Variants in SV2C observed in about 807,000 individuals in gnomAD.
The protein encoded by SV2C is synaptic vesicle glycoprotein 2C.
A neutral mutation model predicts 79.7 loss-of-function variants in SV2C; 49 were observed. That is an observed-to-expected ratio of 0.61 (90% CI 0.49 to 0.78). SV2C has a LOEUF of 0.78. Among genes scored for constraint, SV2C ranks in the 30% least tolerant of loss-of-function variants. The pLI is 0.00. For missense variants in SV2C, 833 were observed against 912.9 expected, an observed-to-expected ratio of 0.91 and a Z score of 1.13; for synonymous variants, 334 against 333.2, an observed-to-expected ratio of 1.00 and a Z score of -0.03.
At chr5:75,878,282 C>A in the SV2C span, among the ~76,000 whole-genome samples, 2 of 152,088 alleles carry the variant, frequency 1.3e-5, no homozygotes, top group Non-Finnish European at 2.9e-5. Flanking sequence ...GAAATATCTT[C>A]CTATTCTTCA....
chr5:75,922,887 G>A, the SV2C span, among the ~76,000 whole-genome samples: 4 of 152,216 alleles, frequency 2.6e-5, no homozygotes, highest in African/African-American at 9.6e-5. Context: ...CCTTTGATGT[G>A]TTAAGCACTG....
the SV2C span, among the ~76,000 whole-genome samples, chr5:75,946,637 T>G: frequency 1.3e-5 from 2 of 152,104 alleles, no homozygotes; most frequent in South Asian, 4.1e-4. Flanking sequence ...TAGGTGAATC[T>G]CAAATGTATT....
the SV2C span, among the ~76,000 whole-genome samples, chr5:75,957,574 T>C: frequency 4.4e-4 from 67 of 152,162 alleles, no homozygotes; most frequent in African/African-American, 1.6e-3. Flanking sequence ...TACTAACTTT[T>C]CTGCTCTGTC....
chr5:76,125,501 G>A (rs1220568930), intron 1 of SV2C, among the ~76,000 whole-genome samples: 4 of 152,244 alleles, frequency 2.6e-5, no homozygotes, highest in East Asian at 3.9e-4. Context: ...TGAGGGTGGG[G>A]AATTCTGTTA....
intron 4 of SV2C, among the ~76,000 whole-genome samples, chr5:76,213,177 CA>C (rs1029683254): frequency 2.0e-5 from 3 of 150,844 alleles, no homozygotes; most frequent in Non-Finnish European, 3.0e-5. Context: ...AGAAGTGTGG[CA>C]AAAAAAACAT....
At chr5:75,994,751 A>T in the SV2C span, among the ~76,000 whole-genome samples, 5 of 152,158 alleles carry the variant, frequency 3.3e-5, no homozygotes, top group African/African-American at 9.7e-5. Flanking sequence ...GTAAGAGGAG[A>T]TTTATTATAG....
chr5:75,955,651 C>A, the SV2C span, among the ~76,000 whole-genome samples: 22 of 148,302 alleles, frequency 1.5e-4, no homozygotes, highest in Admixed American at 9.4e-4. Flanking sequence ...ACTCATCTGA[C>A]AAAGGGCTAA....
chr5:75,983,509 C>G, the SV2C span, among the ~76,000 whole-genome samples: 2 of 151,020 alleles, frequency 1.3e-5, no homozygotes, highest in African/African-American at 4.9e-5. Flanking sequence ...AATTGTAGTG[C>G]AAATATCTTG....
chr5:76,215,972 G>A (rs985998581), intron 4 of SV2C, among the ~76,000 whole-genome samples: 6 of 152,204 alleles, frequency 3.9e-5, no homozygotes, highest in Middle Eastern at 6.8e-3. Context: ...TCTGGCCCCT[G>A]ACAAGCCTCT....
intron 2 of SV2C, among the ~76,000 whole-genome samples, chr5:76,134,587 G>A (rs1749007047): frequency 1.3e-5 from 2 of 152,112 alleles, no homozygotes; most frequent in African/African-American, 4.8e-5. Context: ...GGAAGACCAG[G>A]AACAAAAATA....
At chr5:76,353,938 T>C (rs1425389051) in exon 13 of SV2C, 1 of 152,224 alleles carries the variant, frequency 6.6e-6, no homozygotes, top group Non-Finnish European at 1.5e-5. Context: ...CTTTGTCTCT[T>C]TCATTTGCTT....
At chr5:76,058,282 T>C in the SV2C span, among the ~76,000 whole-genome samples, 2 of 152,116 alleles carry the variant, frequency 1.3e-5, no homozygotes, top group Admixed American at 6.6e-5. Flanking sequence ...GTGAGAATTA[T>C]GCTCTGTTCC....
At chr5:75,855,859 T>A in the SV2C span, among the ~76,000 whole-genome samples, 2 of 152,194 alleles carry the variant, frequency 1.3e-5, no homozygotes, top group Non-Finnish European at 2.9e-5. Context: ...TATTCACTAT[T>A]GTCACTCTGC....
intron 2 of SV2C, among the ~76,000 whole-genome samples, chr5:76,187,932 C>A (rs577470743): frequency 6.6e-6 from 1 of 151,922 alleles, no homozygotes; most frequent in Admixed American, 6.6e-5. Flanking sequence ...TTTATTTCTC[C>A]GCTTTTCTCT....
chr5:76,238,694 G>C (rs533295808), intron 4 of SV2C, among the ~76,000 whole-genome samples: 1 of 152,274 alleles, frequency 6.6e-6, no homozygotes, highest in Admixed American at 6.5e-5. Flanking sequence ...GTTTGAATTT[G>C]TCTCTTTTTT....
chr5:76,277,741 T>G (rs35984318), intron 4 of SV2C, among the ~76,000 whole-genome samples: 18,585 of 149,354 alleles, frequency 0.12, 1,397 homozygotes, highest in African/African-American at 0.21. Context: ...CTGGGTGACC[T>G]AGGAGACCTG....
intron 12 of SV2C, among the ~76,000 whole-genome samples, chr5:76,321,441 G>A (rs573803160): frequency 6.6e-6 from 1 of 152,168 alleles, no homozygotes; most frequent in South Asian, 2.1e-4. Flanking sequence ...GCAGGCTCAT[G>A]AACAAAATTA....
At chr5:76,164,946 G>A (rs897319741) in intron 2 of SV2C, among the ~76,000 whole-genome samples, 4 of 151,986 alleles carry the variant, frequency 2.6e-5, no homozygotes, top group African/African-American at 9.7e-5. Flanking sequence ...CTAATAAAAT[G>A]TATATGCTAT....
At chr5:75,966,601 T>C in the SV2C span, among the ~76,000 whole-genome samples, 2 of 152,210 alleles carry the variant, frequency 1.3e-5, no homozygotes, top group African/African-American at 4.8e-5. Context: ...TTCTGAATAA[T>C]CTGTACCTTA....
Sources: gnomAD v4.1 joint callset for allele counts (sites outside exome capture counted in the v4.1 genomes callset) on GRCh38, gnomAD v4.1.1 for gene constraint, MANE v1.5 for transcripts, NCBI Gene and HGNC (gene_info 2026-07-23, HGNC 2026-07-21) for gene names.